The following PIK3C2B variants were observed in gnomAD, a reference collection of about 807,000 sequenced individuals.
The protein encoded by PIK3C2B is phosphatidylinositol-4-phosphate 3-kinase catalytic subunit type 2 beta.
In PIK3C2B, 83 loss-of-function variants were observed where a neutral mutation model predicts 184.3. That is an observed-to-expected ratio of 0.45 (90% CI 0.38 to 0.54). PIK3C2B has a LOEUF of 0.54. Among genes scored for constraint, PIK3C2B ranks in the 20% least tolerant of loss-of-function variants. The pLI, the probability that PIK3C2B is intolerant of heterozygous loss-of-function variation, is 0.00. For missense variants in PIK3C2B, 1,736 were observed against 2,113.5 expected (o/e 0.82, Z 3.50); for synonymous variants, 779 against 837.6 (o/e 0.93, Z 1.21).
chr1:204,464,656 A>G, intron 3 of PIK3C2B, 52 bp from the exon 4 acceptor site: 1 of 1,555,642 alleles, frequency 6.4e-7, no homozygotes, highest in Non-Finnish European at 8.8e-7. Flanking sequence ...AGAGTAGTCA[A>G]GAAGACATCT....
intron 29 of PIK3C2B, 146 bp from the exon 30 acceptor site, chr1:204,428,366 G>A: frequency 1.0e-5 from 6 of 600,290 alleles, no homozygotes; most frequent in Non-Finnish European, 1.8e-5. Flanking sequence ...GCTCTAACAA[G>A]CCAACAGTAA....
Position 204,425,759 on chromosome 1 carries a change from C to T in PIK3C2B, c.4588-18G>A, listed in dbSNP as rs1463545788. 1.9e-6 allele frequency: 3 copies of T among 1,601,326 alleles called. No individual in the cohort carries two copies. Among genetic ancestry groups the T allele is most frequent in the South Asian group, 2.2e-5 (2 of 90,188 alleles). ...AGCAGTTGCTACAATAGAATGAGAA[C>T]CAAAAAAATGTTAAGATTTTTAACA... On this transcript the variant is annotated intron_variant, in intron 31 of 32. Transcript: ENST00000684373.
intron 15 of PIK3C2B, among the ~76,000 whole-genome samples, chr1:204,446,751 G>A (rs190436382): frequency 4.6e-4 from 70 of 152,224 alleles, no homozygotes; most frequent in Middle Eastern, 3.4e-3. Flanking sequence ...GGAGGTCTGC[G>A]GTCGCTCAGC....
intron 2 of PIK3C2B, among the ~76,000 whole-genome samples, chr1:204,465,839 G>A (rs565594871): frequency 3.5e-4 from 53 of 152,318 alleles, no homozygotes; most frequent in Non-Finnish European, 6.9e-4. Context: ...CTTAGATAGA[G>A]GAGATGACTC....
chr1:204,479,349 T>A (rs1169374753), intron 1 of PIK3C2B, among the ~76,000 whole-genome samples: 1 of 152,046 alleles, frequency 6.6e-6, no homozygotes, highest in Non-Finnish European at 1.5e-5. Flanking sequence ...CCTCCAGCTT[T>A]CTTGGCCTTC....
chr1:204,465,976 G>A (rs559198576), intron 2 of PIK3C2B, among the ~76,000 whole-genome samples: 8 of 152,338 alleles, frequency 5.3e-5, no homozygotes, highest in South Asian at 2.1e-4. Flanking sequence ...CTGAACGGCC[G>A]GAATGTCAGG....
intron 2 of PIK3C2B, 87 bp downstream of exon 2, chr1:204,468,783 G>T: frequency 1.6e-6 from 2 of 1,216,760 alleles, no homozygotes; most frequent in Non-Finnish European, 2.3e-6. Flanking sequence ...GGACTTGGCA[G>T]AGTTGGATGT....
At position 204,427,579 on chromosome 1, in the gene PIK3C2B, G is replaced by C. The variant is rs1572274309; in HGVS notation, c.4587+69C>G. On this transcript the variant is annotated intron_variant, in intron 31 of 32. Coordinates refer to ENST00000684373, the MANE Select transcript of PIK3C2B (RefSeq NM_001377334.1). ...TACCCATATGACACGCGGCAGAGAA[G>C]GTCTGCCCAAAAAAGTAGCTAAAGA... is the stretch of plus-strand genomic sequence containing the variant. The C allele has an allele frequency of 1.3e-5, 13 of 999,186 alleles. No homozygotes were observed. The South Asian group carries it at 1.7e-4, about 13-fold the overall frequency. The allele number at this position is 999,186 out of a possible 1,614,324, so 61.9% of individuals were successfully genotyped here.
intron 11 of PIK3C2B, 131 bp downstream of exon 11, chr1:204,455,725 T>C (rs902488420): frequency 6.4e-5 from 48 of 749,152 alleles, no homozygotes; most frequent in South Asian, 2.1e-4. Context: ...CGCAGCCCCA[T>C]TGCACCACAA....
At chr1:204,444,217 C>T in intron 17 of PIK3C2B, 55 bp from the exon 18 acceptor site, 2 of 1,436,948 alleles carry the variant, frequency 1.4e-6, no homozygotes, top group Non-Finnish European at 9.8e-7. Context: ...TGCCTGTAAC[C>T]TACACTTATT....
At chr1:204,429,047 A>T in intron 29 of PIK3C2B, 1 of 333,022 alleles carries the variant, frequency 3.0e-6, no homozygotes, top group Non-Finnish European at 6.0e-6. Context: ...ACATAGTAAA[A>T]CCCTGTCTTT....
chr1:204,464,179 A>T (rs766322175), intron 4 of PIK3C2B, 47 bp from the exon 5 acceptor site: 5 of 1,605,282 alleles, frequency 3.1e-6, no homozygotes, highest in Admixed American at 1.7e-5. Context: ...ATGTCAAGGC[A>T]GATGGGTCTC....
At chr1:204,476,070 G>A (rs1384338146) in intron 1 of PIK3C2B, among the ~76,000 whole-genome samples, 1 of 152,156 alleles carries the variant, frequency 6.6e-6, no homozygotes, top group African/African-American at 2.4e-5. Flanking sequence ...AGCCAGACAC[G>A]AGGGAACTCC....
chr1:204,426,983 T>C lies in PIK3C2B; in HGVS notation c.4587+665A>G, dbSNP rs1282894335. ...AAACCCGGTCTCTAATTTTAAAAAA[T>C]ACAAAAATTAGCCAGGTGTGGTGGC... On this transcript the variant is annotated intron_variant, in intron 31 of 32. Transcript: ENST00000684373. Among the ~76,000 whole-genome samples, 4 of 151,994 alleles carry C rather than the reference T, an allele frequency of 2.6e-5. No homozygotes were observed. In the East Asian group the frequency reaches 7.7e-4, roughly 29 times the overall value.
At chr1:204,464,662 C>T in intron 3 of PIK3C2B, 58 bp from the exon 4 acceptor site, 1 of 1,531,418 alleles carries the variant, frequency 6.5e-7, no homozygotes, top group African/African-American at 1.4e-5. Context: ...GTCAAGAAGA[C>T]ATCTGTTGGG....
intron 21 of PIK3C2B, 118 bp downstream of exon 21, chr1:204,441,353 C>T (rs1274866896): frequency 3.2e-6 from 2 of 630,998 alleles, no homozygotes; most frequent in African/African-American, 3.6e-5. Context: ...ATCTTTCCTA[C>T]ATTAAGACAG....
intron 10 of PIK3C2B, among the ~76,000 whole-genome samples, chr1:204,456,816 A>C (rs1254087270): frequency 6.6e-6 from 1 of 151,796 alleles, no homozygotes; most frequent in Non-Finnish European, 1.5e-5. Flanking sequence ...AAAAATAATA[A>C]GAAAACACTT....
chr1:204,486,899 C>A (rs1016705545), intron 1 of PIK3C2B, among the ~76,000 whole-genome samples: 3 of 152,180 alleles, frequency 2.0e-5, no homozygotes, highest in African/African-American at 7.2e-5. Flanking sequence ...TCTCCACCTC[C>A]TGGATTCAAG....
intron 23 of PIK3C2B, 71 bp downstream of exon 23, chr1:204,438,864 G>A (rs1488363441): frequency 1.3e-6 from 2 of 1,534,788 alleles, no homozygotes; most frequent in Non-Finnish European, 8.9e-7. Context: ...TGCAGGTCTT[G>A]TGGTTAAAGA....
Sources: allele counts gnomAD v4.1 joint callset (sites outside exome capture counted in the v4.1 genomes callset), GRCh38; gene constraint gnomAD v4.1.1; transcripts MANE v1.5; gene names NCBI Gene and HGNC (gene_info 2026-07-23, HGNC 2026-07-21).